The following LYN variants were observed in gnomAD, a reference collection of about 807,000 sequenced individuals.
LYN encodes the protein tyrosine-protein kinase Lyn.
Under a neutral mutation model 65.0 loss-of-function variants are expected in LYN, and 12 were observed. The ratio of observed to expected loss-of-function variants is 0.18; its 90% CI spans 0.12 to 0.30. The LOEUF (loss-of-function observed/expected upper bound fraction) is 0.30. Ranked by LOEUF, LYN falls within the 10% of genes least tolerant of loss-of-function variation. The pLI is 1.00. For missense variants in LYN, 380 were observed against 623.2 expected, an observed-to-expected ratio of 0.61 and a Z score of 4.16; for synonymous variants, 222 against 221.2, an observed-to-expected ratio of 1.00 and a Z score of -0.03.
intron 1 of LYN, among the ~76,000 whole-genome samples, chr8:55,938,553 A>G (rs1806507753): frequency 6.6e-6 from 1 of 152,210 alleles, no homozygotes; most frequent in Non-Finnish European, 1.5e-5. Context: ...GCAAATGTGC[A>G]GGTCAGTTAC....
chr8:55,902,017 T>C (rs2130383528), intron 1 of LYN, among the ~76,000 whole-genome samples: 1 of 151,238 alleles, frequency 6.6e-6, no homozygotes, highest in South Asian at 2.1e-4. Context: ...TGTACTTTCT[T>C]TTTTTTTTGA....
At position 56,012,654 on chromosome 8, in the gene LYN, G is replaced by A. The variant is rs1808849569; in HGVS notation, c.*2544G>A. 6.5e-6 allele frequency: 1 copy of A among 152,784 alleles called. No homozygotes were observed. The highest frequency in any genetic ancestry group is 1.5e-5 in the Non-Finnish European group (1 of 68,616). 9.5% of individuals were successfully genotyped at this position (152,784 alleles called of 1,614,324 possible). A position where few individuals can be genotyped will look rare whatever the true frequency, so the allele number is the denominator to read the frequency against. On this transcript the variant is annotated 3_prime_UTR_variant, in exon 13 of 13. Transcript: ENST00000519728. Reference sequence around the variant, plus strand: ...GGATTGCTTGAGCCCAGGAAGTCAAGGCTGCAGTGAGCTATGATCGTGCCA... The same window carrying A: ...GGATTGCTTGAGCCCAGGAAGTCAAAGCTGCAGTGAGCTATGATCGTGCCA...
At chr8:55,960,790 A>G (rs1215017634) in intron 8 of LYN, among the ~76,000 whole-genome samples, 1 of 152,122 alleles carries the variant, frequency 6.6e-6, no homozygotes, top group Non-Finnish European at 1.5e-5. Context: ...TATGGTCTGC[A>G]TTTTTTTGGC....
intron 10 of LYN, among the ~76,000 whole-genome samples, chr8:55,993,530 G>A (rs1419300612): frequency 2.6e-5 from 4 of 152,172 alleles, no homozygotes; most frequent in African/African-American, 7.2e-5. Flanking sequence ...GGTCAGACAC[G>A]CCTGGTGTAA....
intron 10 of LYN, among the ~76,000 whole-genome samples, chr8:55,976,283 C>T (rs937202863): frequency 7.9e-5 from 11 of 140,116 alleles, no homozygotes; most frequent in African/African-American, 2.7e-4. Context: ...GCCAAGATCA[C>T]ACCACTACAT....
chr8:55,896,720 C>T (rs891428785), intron 1 of LYN, among the ~76,000 whole-genome samples: 4 of 151,926 alleles, frequency 2.6e-5, no homozygotes, highest in Non-Finnish European at 5.9e-5. Context: ...AGAGGCATTC[C>T]CCCCAAGCTC....
At chr8:55,947,270 C>T (rs560528055) in intron 3 of LYN, among the ~76,000 whole-genome samples, 18 of 152,294 alleles carry the variant, frequency 1.2e-4, no homozygotes, top group South Asian at 2.1e-4. Context: ...AACCAAAATG[C>T]TACATGATGT....
chr8:55,953,656 GA>G (rs1267874417), intron 7 of LYN, among the ~76,000 whole-genome samples, 175 bp from the exon 8 acceptor site: 1 of 151,648 alleles, frequency 6.6e-6, no homozygotes, highest in Non-Finnish European at 1.5e-5. Context: ...TCAAAAAAAA[GA>G]AAAACAAAAA....
intron 3 of LYN, 67 bp downstream of exon 3, chr8:55,946,560 GT>G: frequency 2.0e-6 from 2 of 980,806 alleles, no homozygotes; most frequent in South Asian, 2.8e-5. Context: ...TAAAGTGATT[GT>G]CCTAAATGTT....
intron 1 of LYN, among the ~76,000 whole-genome samples, chr8:55,930,078 G>A (rs1043430942): frequency 1.3e-5 from 2 of 152,172 alleles, no homozygotes; most frequent in African/African-American, 4.8e-5. Context: ...TGTGCTCCTT[G>A]TGAAACAGTT....
intron 1 of LYN, among the ~76,000 whole-genome samples, chr8:55,926,328 G>T (rs1459518307): frequency 6.6e-6 from 1 of 152,202 alleles, no homozygotes; most frequent in African/African-American, 2.4e-5. Flanking sequence ...TGAGAGCAAT[G>T]GTTCTGCAGG....
intron 8 of LYN, among the ~76,000 whole-genome samples, chr8:55,961,383 A>G (rs375283590): frequency 2.0e-5 from 3 of 152,304 alleles, no homozygotes; most frequent in East Asian, 3.9e-4. Context: ...ACTACCAGAG[A>G]GTATCTTAGA....
intron 10 of LYN, among the ~76,000 whole-genome samples, chr8:55,975,881 G>A (rs1266159505): frequency 6.6e-6 from 1 of 151,772 alleles, no homozygotes; most frequent in Non-Finnish European, 1.5e-5. Context: ...TGTTAAAATA[G>A]CAAATAAGGC....
intron 10 of LYN, chr8:55,980,289 A>C (rs1017922037): frequency 6.6e-5 from 10 of 151,852 alleles, no homozygotes; most frequent in African/African-American, 2.4e-4. Flanking sequence ...GTGGCTTTTC[A>C]CAGGCATGAT....
intron 1 of LYN, among the ~76,000 whole-genome samples, chr8:55,919,022 C>CAAAA (rs35663372): frequency 2.2e-3 from 139 of 61,884 alleles, no homozygotes; most frequent in Non-Finnish European, 2.5e-3. Context: ...CCTGTCTCTA[C>CAAAA]AAAAAAAAAA....
chr8:55,882,874 C>T (rs146582157), intron 1 of LYN, among the ~76,000 whole-genome samples: 2 of 152,304 alleles, frequency 1.3e-5, no homozygotes, highest in African/African-American at 4.8e-5. Flanking sequence ...GCTCTTTCTA[C>T]TTGTCCACCT....
At chr8:55,984,757 C>T (rs1028681909) in intron 10 of LYN, among the ~76,000 whole-genome samples, 1 of 152,266 alleles carries the variant, frequency 6.6e-6, no homozygotes, top group African/African-American at 2.4e-5. Flanking sequence ...TCTCAGCCCT[C>T]CAGTTCTTCT....
At chr8:55,924,118 C>T (rs1373739343) in intron 1 of LYN, among the ~76,000 whole-genome samples, 2 of 150,290 alleles carry the variant, frequency 1.3e-5, no homozygotes, top group African/African-American at 4.9e-5. Flanking sequence ...CAAATATATG[C>T]TGCTGTTGAA....
At chr8:55,947,111 T>C (rs1806801746) in intron 3 of LYN, among the ~76,000 whole-genome samples, 2 of 151,970 alleles carry the variant, frequency 1.3e-5, no homozygotes, top group South Asian at 4.1e-4. Flanking sequence ...TAGCCAGGCG[T>C]GGTGGTGGGC....
Sources: gnomAD v4.1 joint callset for allele counts (sites outside exome capture counted in the v4.1 genomes callset) on GRCh38, gnomAD v4.1.1 for gene constraint, MANE v1.5 for transcripts, NCBI Gene and HGNC (gene_info 2026-07-23, HGNC 2026-07-21) for gene names.